Variants in GRM8 observed in about 807,000 individuals in gnomAD.
GRM8 encodes glutamate metabotropic receptor 8.
GRM8 carries 47 observed loss-of-function variants against 87.2 expected under a neutral mutation model. The observed-to-expected ratio is 0.54, with a 90% CI of 0.43 to 0.69. The LOEUF (loss-of-function observed/expected upper bound fraction) is 0.69, where lower values mean the gene tolerates loss of function less well. Ranked by LOEUF, GRM8 falls within the 30% of genes least tolerant of loss-of-function variation. The probability of loss-of-function intolerance (pLI) is 0.00; values close to 1 mark genes in which losing one functional copy is unlikely to be tolerated. For missense variants in GRM8, 1,019 were observed against 1,139.2 expected, an observed-to-expected ratio of 0.89 and a Z score of 1.52; for synonymous variants, 396 against 404.5, an observed-to-expected ratio of 0.98 and a Z score of 0.25.
intron 2 of GRM8, among the ~76,000 whole-genome samples, chr7:127,125,622 T>C (rs866840744): frequency 4.0e-4 from 60 of 151,516 alleles, no homozygotes; most frequent in Admixed American, 5.9e-4. Context: ...GATAAATGAG[T>C]ACTTAATTAA....
chr7:126,686,693 C>A (rs774730481), intron 7 of GRM8, among the ~76,000 whole-genome samples: 1 of 152,202 alleles, frequency 6.6e-6, no homozygotes. Context: ...CACCACTCCA[C>A]GCCTGACTCA....
chr7:126,547,480 T>C (rs1040581768), intron 8 of GRM8, among the ~76,000 whole-genome samples: 3 of 151,836 alleles, frequency 2.0e-5, no homozygotes, highest in Admixed American at 1.3e-4. Flanking sequence ...TACATTATCA[T>C]TCATTATTAT....
chr7:126,710,760 C>T (rs1811016838), intron 7 of GRM8, among the ~76,000 whole-genome samples: 1 of 152,186 alleles, frequency 6.6e-6, no homozygotes, highest in Non-Finnish European at 1.5e-5. Context: ...GGGCTCCTTC[C>T]ATTAATCGTG....
intron 7 of GRM8, among the ~76,000 whole-genome samples, chr7:126,611,080 CTAT>C (rs1303215618): frequency 1.3e-5 from 2 of 152,194 alleles, no homozygotes; most frequent in African/African-American, 4.8e-5. Flanking sequence ...ATTATTATTA[CTAT>C]TATTATTAAT....
intron 2 of GRM8, among the ~76,000 whole-genome samples, chr7:127,227,105 C>T (rs1242710866): frequency 6.6e-6 from 1 of 152,142 alleles, no homozygotes; most frequent in Non-Finnish European, 1.5e-5. Flanking sequence ...AAAGGAGCCT[C>T]GGAAAGGAAT....
rs11271246 is a variant in GRM8, at chr7:126,459,376, G to GGGTTCTTTTTACTGAA, written c.2431-13005_2431-13004insTTCAGTAAAAAGAACC. ...GATGACCCTGCCTGAGAGAGAGCCA[G>GGGTTCTTTTTACTGAA]CCATGGAGTGAGAACAAGGAAAACA... On this transcript the variant is annotated intron_variant, in intron 9 of 10. Transcript: ENST00000339582. Among the ~76,000 whole-genome samples the GGGTTCTTTTTACTGAA allele has an allele frequency of 2.6e-5, 4 of 151,342 alleles. No individual in the cohort carries two copies. The South Asian group carries it at 6.3e-4, about 24-fold the overall frequency.
At position 126,692,005 on chromosome 7, in the gene GRM8, A is replaced by G. The variant is rs1192346282; in HGVS notation, c.1357+77860T>C. The stretch of plus-strand genomic sequence containing the variant: ...AAGGACTGTATGGAGTTCTTTCTCA[A>G]TGGCAAGTTTAGGGTAGGATGGAGG... On this transcript the variant is annotated intron_variant, in intron 7 of 10. Coordinates refer to ENST00000339582, the MANE Select transcript of GRM8 (RefSeq NM_000845.3). Among the ~76,000 whole-genome samples, 2 of 152,194 alleles carry G rather than the reference A, an allele frequency of 1.3e-5. 1 individual carries two copies. Among genetic ancestry groups the G allele is most frequent in the Admixed American group, 1.3e-4 (2 of 15,288 alleles).
chr7:127,202,385 C>T (rs1795663700), intron 2 of GRM8, among the ~76,000 whole-genome samples: 1 of 152,082 alleles, frequency 6.6e-6, no homozygotes. Flanking sequence ...GCCATGTTGG[C>T]CAGGGTGGTC....
chr7:126,660,796 A>C (rs1010619632), intron 7 of GRM8, among the ~76,000 whole-genome samples: 5 of 152,256 alleles, frequency 3.3e-5, no homozygotes, highest in African/African-American at 9.6e-5. Context: ...TGAAACTGTC[A>C]TTCTTATAAC....
intron 2 of GRM8, among the ~76,000 whole-genome samples, chr7:127,225,336 G>T (rs1445918431): frequency 6.6e-6 from 1 of 152,194 alleles, no homozygotes; most frequent in Non-Finnish European, 1.5e-5. Flanking sequence ...AGGCTGACCT[G>T]CCAGCACACC....
At chr7:127,062,965 G>A (rs1044584689) in intron 3 of GRM8, among the ~76,000 whole-genome samples, 6 of 152,014 alleles carry the variant, frequency 3.9e-5, no homozygotes, top group Non-Finnish European at 5.9e-5. Flanking sequence ...CCACAAAACC[G>A]ACTCCTGCTG....
At chr7:127,118,822 C>T (rs972807789) in intron 2 of GRM8, among the ~76,000 whole-genome samples, 16 of 152,188 alleles carry the variant, frequency 1.1e-4, no homozygotes, top group African/African-American at 3.9e-4. Context: ...TCAGCTTCCT[C>T]CCCGTTTCCA....
At chr7:126,917,420 C>G (rs537153719) in intron 3 of GRM8, among the ~76,000 whole-genome samples, 2 of 152,064 alleles carry the variant, frequency 1.3e-5, no homozygotes, top group East Asian at 3.9e-4. Flanking sequence ...CACACACACA[C>G]GATTCTATTA....
At chr7:126,831,031 C>T (rs970923519) in intron 6 of GRM8, among the ~76,000 whole-genome samples, 2 of 152,186 alleles carry the variant, frequency 1.3e-5, no homozygotes, top group African/African-American at 4.8e-5. Context: ...TTTCGTGATC[C>T]ACGAATGCTG....
At chr7:127,170,270 C>T (rs1563555543) in intron 2 of GRM8, among the ~76,000 whole-genome samples, 2 of 152,160 alleles carry the variant, frequency 1.3e-5, no homozygotes, top group Middle Eastern at 6.8e-3. Flanking sequence ...CAGGGAAATG[C>T]AAATCAAAAC....
intron 6 of GRM8, among the ~76,000 whole-genome samples, chr7:126,821,884 C>G (rs1036029906): frequency 5.3e-5 from 8 of 152,128 alleles, no homozygotes; most frequent in African/African-American, 1.9e-4. Context: ...TCCCACATTG[C>G]AACTGTGATT....
In GRM8 at chr7:126,730,615, G is replaced by C. The variant is rs979610245; in HGVS notation, c.1357+39250C>G. Among the ~76,000 whole-genome samples, 4 of 152,280 alleles carry C rather than the reference G, an allele frequency of 2.6e-5. No individual in the cohort carries two copies. In the South Asian group the frequency reaches 8.3e-4, roughly 32 times the overall value. ...AGCTAAGGGGCACTAACCTGTATCTGTGGAAGAATGAGGCAGGATAGAAGC... is the reference window on the plus strand; with the variant it reads ...AGCTAAGGGGCACTAACCTGTATCTCTGGAAGAATGAGGCAGGATAGAAGC... On this transcript the variant is annotated intron_variant, in intron 7 of 10. Coordinates refer to ENST00000339582, the MANE Select transcript of GRM8 (RefSeq NM_000845.3).
chr7:126,754,737 T>A (rs1816812301), intron 7 of GRM8, among the ~76,000 whole-genome samples: 1 of 151,942 alleles, frequency 6.6e-6, no homozygotes, highest in African/African-American at 2.4e-5. Context: ...GCTGTTGTTA[T>A]TATAAATTCA....
chr7:126,957,458 T>C lies in GRM8; in HGVS notation c.728-52775A>G, dbSNP rs374551890. 4.0e-4 allele frequency among the ~76,000 whole-genome samples: 61 copies of C among 152,294 alleles called. 1 individual carries two copies. In the South Asian group the frequency reaches 0.012, roughly 31 times the overall value. On this transcript the variant is annotated intron_variant, in intron 3 of 10. Coordinates refer to ENST00000339582, the MANE Select transcript of GRM8 (RefSeq NM_000845.3). ...CAGCCACCCAGCTGCAGCTCCAGAC[T>C]GGGCATCCCTGCTCTCTCAGGGGCA...
Sources: gnomAD v4.1 joint callset for allele counts (sites outside exome capture counted in the v4.1 genomes callset) on GRCh38, gnomAD v4.1.1 for gene constraint, MANE v1.5 for transcripts, NCBI Gene and HGNC (gene_info 2026-07-23, HGNC 2026-07-21) for gene names.